MAN1A2: variants seen among roughly 807,000 people sequenced by gnomAD.
MAN1A2 encodes the protein mannosyl-oligosaccharide 1,2-alpha-mannosidase IB.
MAN1A2 carries 26 observed loss-of-function variants against 75.7 expected under a neutral mutation model. The ratio of observed to expected loss-of-function variants is 0.34; its 90% CI spans 0.25 to 0.48. The LOEUF (loss-of-function observed/expected upper bound fraction) is 0.48. Among genes scored for constraint, MAN1A2 ranks in the 20% least tolerant of loss-of-function variants. The pLI, the probability that MAN1A2 is intolerant of heterozygous loss-of-function variation, is 0.99. For synonymous variants in MAN1A2, 247 were observed against 264.6 expected, an observed-to-expected ratio of 0.93 and a Z score of 0.65; for missense variants, 562 against 775.5, an observed-to-expected ratio of 0.72 and a Z score of 3.27.
chr1:117,499,271 A>G (rs1651128242), intron 10 of MAN1A2, 111 bp from the exon 11 acceptor site: 2 of 782,014 alleles, frequency 2.6e-6, no homozygotes, highest in Non-Finnish European at 3.8e-6. Context: ...CAACAATAAA[A>G]ATAAACAACA....
intron 12 of MAN1A2, among the ~76,000 whole-genome samples, chr1:117,508,389 T>C (rs889038664): frequency 1.3e-5 from 2 of 151,628 alleles, no homozygotes; most frequent in African/African-American, 4.8e-5. Context: ...CCACAGTATG[T>C]CTACTTTCAC....
intron 5 of MAN1A2, among the ~76,000 whole-genome samples, chr1:117,432,002 A>G (rs1371257997): frequency 6.6e-6 from 1 of 152,210 alleles, no homozygotes; most frequent in Non-Finnish European, 1.5e-5. Flanking sequence ...TAAATTAGAA[A>G]TCAATAATAG....
intron 8 of MAN1A2, among the ~76,000 whole-genome samples, chr1:117,474,423 T>C (rs1650255307): frequency 6.6e-6 from 1 of 151,764 alleles, no homozygotes; most frequent in African/African-American, 2.4e-5. Context: ...ACTTTCCTAT[T>C]CTTTACTCTC....
intron 10 of MAN1A2, among the ~76,000 whole-genome samples, chr1:117,499,015 A>G (rs1299925201): frequency 6.6e-6 from 1 of 151,922 alleles, no homozygotes; most frequent in South Asian, 2.1e-4. Context: ...ACATCCACAC[A>G]GTGTCATTAT....
At chr1:117,400,259 A>G (rs903290015) in intron 1 of MAN1A2, among the ~76,000 whole-genome samples, 1 of 151,296 alleles carries the variant, frequency 6.6e-6, no homozygotes, top group African/African-American at 2.4e-5. Flanking sequence ...CGTCTAGCCT[A>G]CTTCACCTCC....
intron 5 of MAN1A2, among the ~76,000 whole-genome samples, chr1:117,435,160 A>G (rs543471264): frequency 6.6e-6 from 1 of 152,126 alleles, no homozygotes; most frequent in African/African-American, 2.4e-5. Flanking sequence ...TCAATGGAGA[A>G]GTATTGACTG....
intron 5 of MAN1A2, among the ~76,000 whole-genome samples, chr1:117,440,913 A>G (rs186117647): frequency 6.6e-6 from 1 of 152,302 alleles, no homozygotes; most frequent in Non-Finnish European, 1.5e-5. Context: ...TAACATGTAA[A>G]TGTTAATAAA....
rs866207239 is a variant in MAN1A2, at chr1:117,429,456, G to A, written c.855+8807G>A. ...GGCTGACCCCCCCCACCTCCCTCCC[G>A]GAGGGGGCGGCTGGCCGGGCGGGGG... On this transcript the variant is annotated intron_variant, in intron 5 of 12. Coordinates refer to ENST00000356554, the MANE Select transcript of MAN1A2 (RefSeq NM_006699.5). 1.3e-4 allele frequency among the ~76,000 whole-genome samples: 15 copies of A among 119,124 alleles called. 1 individual carries two copies. The highest frequency in any genetic ancestry group is 5.7e-4 in the South Asian group (2 of 3,486). 78.1% of individuals were successfully genotyped at this position (119,124 alleles called of 152,430 possible). A position where few individuals can be genotyped will look rare whatever the true frequency, so the allele number is the denominator to read the frequency against.
chr1:117,369,494 A>C (rs764974291), intron 1 of MAN1A2, among the ~76,000 whole-genome samples: 1 of 152,190 alleles, frequency 6.6e-6, no homozygotes, highest in Non-Finnish European at 1.5e-5. Context: ...GCACCGAAAA[A>C]GCTTAGGTTC....
chr1:117,515,914 T>C (rs1460957212), intron 12 of MAN1A2: 1 of 152,038 alleles, frequency 6.6e-6, no homozygotes, highest in Non-Finnish European at 1.5e-5. Context: ...ATGGTAAACT[T>C]TATGTCATGT....
rs1651922107 is a variant in MAN1A2, at chr1:117,523,344, ATT to A, written c.*389_*390del. On this transcript the variant is annotated 3_prime_UTR_variant, in exon 13 of 13. Coordinates refer to ENST00000356554, the MANE Select transcript of MAN1A2 (RefSeq NM_006699.5). ...AGATGGCCTTTGGAACCAATTATGT[ATT>A]TGTTTCCTCCTACAGTGGAGCAGCA... is the stretch of plus-strand genomic sequence containing the variant. The A allele has an allele frequency of 2.2e-6, 1 of 463,184 alleles. No individual in the cohort carries two copies. Among genetic ancestry groups the A allele is most frequent in the Non-Finnish European group, 4.4e-6 (1 of 225,772 alleles). The allele number at this position is 463,184 out of a possible 1,614,324, so 28.7% of individuals were successfully genotyped here.
chr1:117,479,245 C>G (rs1650416397), intron 8 of MAN1A2, among the ~76,000 whole-genome samples: 1 of 151,894 alleles, frequency 6.6e-6, no homozygotes, highest in Admixed American at 6.6e-5. Flanking sequence ...TGGCTTCCAG[C>G]TCCAGCCATG....
chr1:117,460,694 G>A (rs1649790560), intron 7 of MAN1A2, 82 bp downstream of exon 7: 4 of 1,445,934 alleles, frequency 2.8e-6, no homozygotes, highest in African/African-American at 1.4e-5. Context: ...ATGCTTAAAA[G>A]GTTTGCCTTT....
chr1:117,390,240 C>A (rs908687149), intron 1 of MAN1A2, among the ~76,000 whole-genome samples: 3 of 151,928 alleles, frequency 2.0e-5, no homozygotes, highest in African/African-American at 4.8e-5. Flanking sequence ...TGATAGAATT[C>A]GTCAGTGAAA....
rs182241158 is a variant in MAN1A2 at position 117,483,554 on chromosome 1, G to C, written c.1169-9593G>C. On this transcript the variant is annotated intron_variant, in intron 8 of 12. Coordinates refer to ENST00000356554, the MANE Select transcript of MAN1A2 (RefSeq NM_006699.5). ...GGGTCTCAATTTGTCTGTTAGTGGT[G>C]TACAGAAATGCTTGTGGTTTTTGCA... Among the ~76,000 whole-genome samples, 6 of 152,208 alleles carry C rather than the reference G, an allele frequency of 3.9e-5. No individual in the cohort carries two copies. In the East Asian group the frequency reaches 1.2e-3, roughly 29 times the overall value.
intron 12 of MAN1A2, 60 bp from the exon 13 acceptor site, chr1:117,522,764 GC>G: frequency 6.8e-7 from 1 of 1,465,584 alleles, no homozygotes; most frequent in Non-Finnish European, 9.4e-7. Context: ...TTAAAAGTGA[GC>G]TCACTTCATG....
intron 12 of MAN1A2, among the ~76,000 whole-genome samples, chr1:117,514,416 G>C (rs1320646337): frequency 1.3e-5 from 2 of 151,846 alleles, no homozygotes; most frequent in Admixed American, 6.6e-5. Flanking sequence ...GGGCCAAAGG[G>C]AGGGGAAAAC....
At chr1:117,387,266 A>G (rs916010501) in intron 1 of MAN1A2, among the ~76,000 whole-genome samples, 2 of 151,990 alleles carry the variant, frequency 1.3e-5, no homozygotes, top group African/African-American at 4.8e-5. Context: ...TGGATATGGA[A>G]AAATTGGAAA....
At chr1:117,390,881 TC>T (rs778254297) in intron 1 of MAN1A2, among the ~76,000 whole-genome samples, 6 of 152,160 alleles carry the variant, frequency 3.9e-5, no homozygotes, top group Non-Finnish European at 7.4e-5. Flanking sequence ...CAGGGCACTT[TC>T]AAATTTCACT....
Sources: allele counts gnomAD v4.1 joint callset (sites outside exome capture counted in the v4.1 genomes callset), GRCh38; gene constraint gnomAD v4.1.1; transcripts MANE v1.5; gene names NCBI Gene and HGNC (gene_info 2026-07-23, HGNC 2026-07-21).